HCRTR2: variants seen among roughly 807,000 people sequenced by gnomAD.
HCRTR2 encodes orexin receptor type 2.
HCRTR2 carries 22 observed loss-of-function variants against 49.0 expected under a neutral mutation model. The observed-to-expected ratio is 0.45, with a 90% CI of 0.32 to 0.64. HCRTR2 has a LOEUF of 0.64. HCRTR2 is among the 30% of genes least tolerant of loss of function. HCRTR2 has a pLI of 0.04. For synonymous variants in HCRTR2, 236 were observed against 205.3 expected (o/e 1.15, Z -1.28); for missense variants, 491 against 559.4 (o/e 0.88, Z 1.23).
intron 1 of HCRTR2, among the ~76,000 whole-genome samples, chr6:55,166,945 A>T (rs1423750868): frequency 2.1e-5 from 2 of 95,144 alleles, no homozygotes; most frequent in Non-Finnish European, 4.3e-5. Context: ...GACATAAGAC[A>T]CAAAACCCAA....
At chr6:55,218,202 G>T (rs975942022) in intron 1 of HCRTR2, among the ~76,000 whole-genome samples, 2 of 152,064 alleles carry the variant, frequency 1.3e-5, no homozygotes, top group African/African-American at 4.8e-5. Flanking sequence ...TGCCTCTATT[G>T]TCCCTTAAAG....
chr6:55,204,632 T>C (rs1369273953), intron 1 of HCRTR2, among the ~76,000 whole-genome samples: 1 of 151,690 alleles, frequency 6.6e-6, no homozygotes, highest in Non-Finnish European at 1.5e-5. Context: ...AGCCAAGAGG[T>C]TTGGTGGAAA....
intron 1 of HCRTR2, among the ~76,000 whole-genome samples, chr6:55,245,184 T>TA (rs1562020211): frequency 6.6e-6 from 1 of 151,778 alleles, no homozygotes; most frequent in Non-Finnish European, 1.5e-5. Context: ...TGAATGGACA[T>TA]AATGTGAAAA....
At chr6:55,268,875 G>C (rs1246469584) in intron 4 of HCRTR2, among the ~76,000 whole-genome samples, 1 of 151,910 alleles carries the variant, frequency 6.6e-6, no homozygotes. Flanking sequence ...TGGATCACGA[G>C]GTCAGAAGAT....
chr6:55,132,813 G>A (rs1310522645), intron 1 of HCRTR2, among the ~76,000 whole-genome samples: 1 of 150,650 alleles, frequency 6.6e-6, no homozygotes, highest in African/African-American at 2.4e-5. Flanking sequence ...GTTTGAAAGT[G>A]GTATTGCTTT....
chr6:55,261,574 C>A (rs1015852083), intron 3 of HCRTR2, among the ~76,000 whole-genome samples: 15 of 151,954 alleles, frequency 9.9e-5, no homozygotes, highest in African/African-American at 3.4e-4. Flanking sequence ...GGTGTCTGGC[C>A]AATACCACCT....
At chr6:55,244,163 A>G (rs943359282) in intron 1 of HCRTR2, among the ~76,000 whole-genome samples, 2 of 152,078 alleles carry the variant, frequency 1.3e-5, no homozygotes, top group Non-Finnish European at 2.9e-5. Context: ...ACAGAAACCC[A>G]GTTACTATTG....
intron 3 of HCRTR2, 115 bp downstream of exon 3, chr6:55,255,494 C>T: frequency 1.6e-6 from 2 of 1,270,302 alleles, no homozygotes; most frequent in Middle Eastern, 3.7e-4. Context: ...TTTGTGAATA[C>T]AGTTTTGCAA....
chr6:55,231,595 C>T (rs1237271483), intron 1 of HCRTR2, among the ~76,000 whole-genome samples: 2 of 151,876 alleles, frequency 1.3e-5, no homozygotes, highest in Non-Finnish European at 2.9e-5. Context: ...AGAAATGTAT[C>T]ATCTTAATAC....
At chr6:55,192,392 C>T (rs1207245669) in intron 1 of HCRTR2, among the ~76,000 whole-genome samples, 1 of 79,120 alleles carries the variant, frequency 1.3e-5, no homozygotes, top group Non-Finnish European at 2.4e-5. Context: ...TTTCTCTAAA[C>T]ACACACACAC....
At position 55,280,448 on chromosome 6, in the gene HCRTR2, A is replaced by C; in HGVS notation, c.1105+4A>C. 1 of 1,611,930 alleles carries C rather than the reference A, an allele frequency of 6.2e-7. No individual in the cohort carries two copies. On this transcript the variant is annotated splice_donor_region_variant and intron_variant, in intron 6 of 6. Transcript: ENST00000370862. ...ATTATTTATAATTTTCTCAGTGGTG[A>C]GTTTTCAACTGTTCTTCCATAAGCC...
chr6:55,148,237 C>T (rs538263939), intron 1 of HCRTR2, among the ~76,000 whole-genome samples: 150 of 151,648 alleles, frequency 9.9e-4, no homozygotes, highest in African/African-American at 1.8e-3. Flanking sequence ...GTGAAATGAT[C>T]GTGTGTGTGT....
intron 1 of HCRTR2, among the ~76,000 whole-genome samples, chr6:55,130,036 A>C (rs1764332633): frequency 6.6e-6 from 1 of 151,968 alleles, no homozygotes; most frequent in South Asian, 2.1e-4. Flanking sequence ...CTAATGTTTC[A>C]AACTCATTTT....
Position 55,235,768 on chromosome 6 carries a change from A to C in HCRTR2, c.224-12871A>C, listed in dbSNP as rs538142435. Among the ~76,000 whole-genome samples, 3 of 152,186 alleles carry C rather than the reference A, an allele frequency of 2.0e-5. No homozygotes were observed. In the South Asian group the frequency reaches 6.2e-4, roughly 32 times the overall value. ...ATGCAGTACATGGCACTTTTGTCAT[A>C]TGTCAAGAGTCCTTATATACGTAGG... On this transcript the variant is annotated intron_variant, in intron 1 of 6. Transcript: ENST00000370862.
At chr6:55,190,660 C>A (rs1453709005) in intron 1 of HCRTR2, among the ~76,000 whole-genome samples, 1 of 152,028 alleles carries the variant, frequency 6.6e-6, no homozygotes, top group South Asian at 2.1e-4. Flanking sequence ...TACATAAATT[C>A]TTTTTTACAG....
At position 55,282,426 on chromosome 6, in the gene HCRTR2, A is replaced by G. The variant is rs1445140705; in HGVS notation, c.1307A>G (p.Asn436Ser). ...AGCATAAGCACACTCCCAGCAGCCA[A>G]TGGAGCAGGACCACTTCAAAACTGG... ...LTSISTLPAA[N>S]GAGPLQNW Residue 436 changes from asparagine to serine, a missense_variant, in exon 7 of 7, where the codon AAT becomes AGT. Transcript: ENST00000370862. The G allele has an allele frequency of 2.3e-5, 37 of 1,602,452 alleles. 1 individual carries two copies. The highest frequency in any genetic ancestry group is 3.0e-5 in the Non-Finnish European group (35 of 1,169,828).
intron 1 of HCRTR2, among the ~76,000 whole-genome samples, chr6:55,165,405 T>C (rs1456775260): frequency 6.6e-6 from 1 of 152,026 alleles, no homozygotes; most frequent in Non-Finnish European, 1.5e-5. Flanking sequence ...TCAATAAAGG[T>C]GTTGGGATAA....
intron 1 of HCRTR2, among the ~76,000 whole-genome samples, chr6:55,124,864 CTTCT>C (rs1254508667): frequency 6.6e-6 from 1 of 150,502 alleles, no homozygotes; most frequent in Non-Finnish European, 1.5e-5. Context: ...ATGTAATGCC[CTTCT>C]TTGTCTCTTT....
At chr6:55,106,898 G>C (rs1243225546) in intron 1 of HCRTR2, among the ~76,000 whole-genome samples, 1 of 152,036 alleles carries the variant, frequency 6.6e-6, no homozygotes, top group Non-Finnish European at 1.5e-5. Context: ...CCTGTGTTTA[G>C]CTTGTTTATT....
Sources: gnomAD v4.1 joint callset for allele counts (sites outside exome capture counted in the v4.1 genomes callset) on GRCh38, gnomAD v4.1.1 for gene constraint, MANE v1.5 for transcripts, NCBI Gene and HGNC (gene_info 2026-07-23, HGNC 2026-07-21) for gene names.